TMEM243: variants seen among roughly 807,000 people sequenced by gnomAD.
TMEM243 encodes MDR1 and mitochondrial taxol resistance associated.
A neutral mutation model predicts 15.0 loss-of-function variants in TMEM243; 20 were observed. The ratio of observed to expected loss-of-function variants is 1.33; its 90% CI spans 0.94 to 1.93. The LOEUF is 1.93. Ranked by LOEUF, TMEM243 falls within the 30% of genes most tolerant of loss-of-function variation. The pLI is 0.00. For missense variants in TMEM243, 156 were observed against 142.1 expected (o/e 1.10, Z -0.50); for synonymous variants, 72 against 52.7 (o/e 1.37, Z -1.59).
chr7:87,211,261 C>G (rs1291439010), intron 1 of TMEM243, among the ~76,000 whole-genome samples: 1 of 152,198 alleles, frequency 6.6e-6, no homozygotes, highest in Non-Finnish European at 1.5e-5. Context: ...ATAAAAGGCT[C>G]AATCCCATTT....
chr7:87,201,016 A>G (rs539786787), intron 1 of TMEM243, among the ~76,000 whole-genome samples: 1 of 152,378 alleles, frequency 6.6e-6, no homozygotes, highest in African/African-American at 2.4e-5. Flanking sequence ...ATGAAAATAT[A>G]TCTAAACTTT....
intron 1 of TMEM243, among the ~76,000 whole-genome samples, chr7:87,209,517 T>TGA (rs760169369): frequency 3.1e-5 from 2 of 64,804 alleles, no homozygotes; most frequent in Non-Finnish European, 6.3e-5. Flanking sequence ...AGAAAGACAG[T>TGA]GAGAGAGAGA....
At chr7:87,202,832 A>G (rs1801913676) in intron 1 of TMEM243, 2 of 152,246 alleles carry the variant, frequency 1.3e-5, no homozygotes, top group African/African-American at 2.4e-5. Context: ...CTATCAAATG[A>G]GAAGACTGGG....
chr7:87,213,456 A>C (rs1403596611), intron 1 of TMEM243, among the ~76,000 whole-genome samples: 3 of 152,252 alleles, frequency 2.0e-5, no homozygotes, highest in Non-Finnish European at 2.9e-5. Context: ...TTGATCACCT[A>C]GAAGCTCTAT....
chr7:87,204,531 T>A (rs899023055), intron 1 of TMEM243, among the ~76,000 whole-genome samples: 1 of 152,086 alleles, frequency 6.6e-6, no homozygotes, highest in African/African-American at 2.4e-5. Context: ...ATACACACAT[T>A]CCAAATCAGA....
At chr7:87,206,859 A>G (rs1400450428) in intron 1 of TMEM243, among the ~76,000 whole-genome samples, 2 of 152,196 alleles carry the variant, frequency 1.3e-5, no homozygotes, top group Non-Finnish European at 2.9e-5. Flanking sequence ...CAAAGCAGAA[A>G]TGGCCAACGG....
rs1453723854 is a variant in TMEM243 at position 87,219,507 on chromosome 7, G to A, written c.-4C>T. 6.2e-7 allele frequency: 1 copy of A among 1,614,086 alleles called. No individual in the cohort carries two copies. The highest frequency in any genetic ancestry group is 2.2e-5 in the East Asian group (1 of 44,868). Reference sequence around the variant, plus strand: ...TCCTGGTAGCAAAGTCCTCCATTTTGGGGTTTCTTCACTTTCCCCAAGCCA... The same window carrying A: ...TCCTGGTAGCAAAGTCCTCCATTTTAGGGTTTCTTCACTTTCCCCAAGCCA... On this transcript the variant is annotated 5_prime_UTR_variant, in exon 1 of 4. Transcript: ENST00000257637.
At chr7:87,219,855 A>G (rs939225139), upstream of TMEM243, 2 of 322,792 alleles carry the variant, frequency 6.2e-6, no homozygotes, top group Non-Finnish European at 1.2e-5. Context: ...CCGCCAGGGT[A>G]GCGCCGCCCG....
At chr7:87,201,328 G>A (rs1242709241) in intron 1 of TMEM243, among the ~76,000 whole-genome samples, 3 of 152,212 alleles carry the variant, frequency 2.0e-5, no homozygotes, top group Non-Finnish European at 4.4e-5. Flanking sequence ...GGCCTCACCT[G>A]AGAGAACTGC....
rs181477933 is a variant in TMEM243 at position 87,204,153 on chromosome 7, A to C, written c.79-5096T>G. Among the ~76,000 whole-genome samples the C allele has an allele frequency of 2.6e-5, 4 of 152,298 alleles. No individual in the cohort carries two copies. The East Asian group carries it at 5.8e-4, about 22-fold the overall frequency. The stretch of plus-strand genomic sequence containing the variant: ...GGGAAACCCCTTATAAAATCATCAG[A>C]TCTTGTGAGACTCATTCACTACTAC... On this transcript the variant is annotated intron_variant, in intron 1 of 3. Transcript: ENST00000257637.
rs1056270024 is a variant in TMEM243 at position 87,219,564 on chromosome 7, T to C, written c.-61A>G. ...AGCAAGACAGCATGACCTCCCGAGG[T>C]CTCAGGTCCACGACTGCAAGCCTCC... On this transcript the variant is annotated 5_prime_UTR_variant, in exon 1 of 4. Transcript: ENST00000257637. 3.2e-5 allele frequency: 47 copies of C among 1,487,780 alleles called. No homozygotes were observed. The Admixed American group carries it at 3.4e-4, about 11-fold the overall frequency. The allele number at this position is 1,487,780 out of a possible 1,614,324, so 92.2% of individuals were successfully genotyped here. A position where few individuals can be genotyped will look rare whatever the true frequency, so the allele number is the denominator to read the frequency against.
chr7:87,196,743 G>A lies in TMEM243; in HGVS notation c.250C>T (p.Gln84Ter). ...TACILIYWYRQGDLEPKFRKL... is the reference protein window; with the variant it reads ...TACILIYWYR ...CTAAATTTCGGTTCTAAGTCTCCTT[G>A]TCGATACCAGTAGATCTAAAAGAAG... Residue 84 changes from glutamine to a stop codon, truncating the protein, a stop_gained, in exon 4 of 4, where the codon CAA (glutamine) becomes TAA (stop). Coordinates refer to ENST00000257637, the MANE Select transcript of TMEM243 (RefSeq NM_024315.4). LOFTEE classifies it high-confidence loss of function. The A allele has an allele frequency of 6.4e-7, 1 of 1,571,288 alleles. No homozygotes were observed. Among genetic ancestry groups the A allele is most frequent in the Non-Finnish European group, 8.7e-7 (1 of 1,148,884 alleles).
At chr7:87,218,469 A>G (rs185705911) in intron 1 of TMEM243, 3 of 152,338 alleles carry the variant, frequency 2.0e-5, no homozygotes, top group East Asian at 1.9e-4. Flanking sequence ...CCACTTCCCT[A>G]TCCTATCTGC....
rs1167326075 is a variant in TMEM243, at chr7:87,196,773, A to G, written c.235-15T>C. On this transcript the variant is annotated splice_polypyrimidine_tract_variant and intron_variant, in intron 3 of 3. Coordinates refer to ENST00000257637, the MANE Select transcript of TMEM243 (RefSeq NM_024315.4). ...TACCAGTAGATCTAAAAGAAGAATTAAAGTTTATAAATTAAAATTTGAAAT... is the reference window on the plus strand; with the variant it reads ...TACCAGTAGATCTAAAAGAAGAATTGAAGTTTATAAATTAAAATTTGAAAT... 6.7e-7 allele frequency: 1 copy of G among 1,502,978 alleles called. No individual in the cohort carries two copies. The highest frequency in any genetic ancestry group is 1.4e-5 in the African/African-American group (1 of 70,068). The allele number at this position is 1,502,978 out of a possible 1,614,324, so 93.1% of individuals were successfully genotyped here.
At chr7:87,214,445 T>A (rs1802967935) in intron 1 of TMEM243, among the ~76,000 whole-genome samples, 1 of 152,192 alleles carries the variant, frequency 6.6e-6, no homozygotes, top group South Asian at 2.1e-4. Flanking sequence ...AGGAAGGCGA[T>A]TCATTGAACC....
chr7:87,203,323 T>C (rs544707996), intron 1 of TMEM243, among the ~76,000 whole-genome samples: 14 of 152,022 alleles, frequency 9.2e-5, no homozygotes, highest in African/African-American at 2.9e-4. Flanking sequence ...AGCTAAAGAA[T>C]CTACAAAGGC....
Position 87,219,595 on chromosome 7 carries a change from A to C in TMEM243, c.-92T>G. 8.6e-7 allele frequency: 1 copy of C among 1,168,012 alleles called. No homozygotes were observed. Among genetic ancestry groups the C allele is most frequent in the Non-Finnish European group, 1.3e-6 (1 of 794,082 alleles). 72.4% of individuals were successfully genotyped at this position (1,168,012 alleles called of 1,614,324 possible). On this transcript the variant is annotated 5_prime_UTR_variant, in exon 1 of 4. An upstream open reading frame in the 5' UTR loses its in-frame stop. Coordinates refer to ENST00000257637, the MANE Select transcript of TMEM243 (RefSeq NM_024315.4). ...GTCCACGACTGCAAGCCTCCTCCTCACGGCTCCCGCATAGCCGAACCCGAG... is the reference window on the plus strand; with the variant it reads ...GTCCACGACTGCAAGCCTCCTCCTCCCGGCTCCCGCATAGCCGAACCCGAG...
chr7:87,207,986 A>T (rs1802350471), intron 1 of TMEM243, among the ~76,000 whole-genome samples: 1 of 152,108 alleles, frequency 6.6e-6, no homozygotes, highest in South Asian at 2.1e-4. Flanking sequence ...TATGGGGGAA[A>T]CCAACCCCAT....
chr7:87,202,872 T>C (rs1247600310), intron 1 of TMEM243: 1 of 152,222 alleles, frequency 6.6e-6, no homozygotes, highest in Non-Finnish European at 1.5e-5. Flanking sequence ...TTTCAGTTCT[T>C]ACACTTTATG....
Sources: allele counts gnomAD v4.1 joint callset (sites outside exome capture counted in the v4.1 genomes callset), GRCh38; gene constraint gnomAD v4.1.1; transcripts MANE v1.5; gene names NCBI Gene and HGNC (gene_info 2026-07-23, HGNC 2026-07-21).